The following ELMO1 variants were observed in gnomAD, a reference collection of about 807,000 sequenced individuals.
ELMO1 encodes the protein engulfment and cell motility protein 1.
In ELMO1, 26 loss-of-function variants were observed where a neutral mutation model predicts 98.9. The observed-to-expected ratio is 0.26, with a 90% CI of 0.19 to 0.36. The LOEUF (loss-of-function observed/expected upper bound fraction) is 0.36. Among genes scored for constraint, ELMO1 ranks in the 10% least tolerant of loss-of-function variants. ELMO1 has a pLI of 1.00. For missense variants in ELMO1, 627 were observed against 935.2 expected (o/e 0.67, Z 4.30); for synonymous variants, 346 against 346.0 (o/e 1.00, Z 0.00).
At chr7:36,970,876 C>T (rs529546987) in intron 16 of ELMO1, among the ~76,000 whole-genome samples, 1 of 152,308 alleles carries the variant, frequency 6.6e-6, no homozygotes, top group South Asian at 2.1e-4. Context: ...AACATCGACG[C>T]ACAGGATAAG....
intron 2 of ELMO1, among the ~76,000 whole-genome samples, chr7:37,328,554 G>A (rs1300052058): frequency 1.3e-5 from 2 of 152,100 alleles, no homozygotes; most frequent in Non-Finnish European, 2.9e-5. Context: ...AAGCCCAGGT[G>A]CTCAGCGCTA....
rs185394337 is a variant in ELMO1, at chr7:36,889,769, T to C, written c.1602-2097A>G. ...TCATCATGGAACCATATTCTGAGGA[T>C]GCACTATCAGAATAAGAGAATCTGC... On this transcript the variant is annotated intron_variant, in intron 17 of 21. Transcript: ENST00000310758. 1.8e-3 allele frequency among the ~76,000 whole-genome samples: 279 copies of C among 152,312 alleles called. 3 individuals are homozygous for C. The highest frequency in any genetic ancestry group is 6.5e-3 in the African/African-American group (269 of 41,570).
At chr7:36,974,683 C>T (rs1384890021) in intron 16 of ELMO1, among the ~76,000 whole-genome samples, 1 of 152,192 alleles carries the variant, frequency 6.6e-6, no homozygotes, top group Non-Finnish European at 1.5e-5. Context: ...CTGCCCGAGC[C>T]AGCAGTGGCA....
At chr7:37,100,388 G>A (rs565371754) in intron 14 of ELMO1, among the ~76,000 whole-genome samples, 6 of 152,214 alleles carry the variant, frequency 3.9e-5, no homozygotes, top group East Asian at 3.9e-4. Flanking sequence ...GTTTCTTGTC[G>A]CTCTTCTCCA....
chr7:37,183,208 G>A (rs1479232133), intron 13 of ELMO1, among the ~76,000 whole-genome samples: 1 of 152,198 alleles, frequency 6.6e-6, no homozygotes, highest in East Asian at 1.9e-4. Flanking sequence ...GGAGAAGGAG[G>A]AAGGAGGAGG....
At chr7:36,921,245 T>C (rs570174829) in intron 16 of ELMO1, among the ~76,000 whole-genome samples, 49 of 152,082 alleles carry the variant, frequency 3.2e-4, no homozygotes, top group Non-Finnish European at 5.9e-4. Flanking sequence ...ACCAACACAA[T>C]GTCTTTGAGA....
chr7:37,412,685 T>C (rs2131502260), intron 1 of ELMO1, among the ~76,000 whole-genome samples: 1 of 152,360 alleles, frequency 6.6e-6, no homozygotes, highest in South Asian at 2.1e-4. Context: ...CCCACCTTAG[T>C]GACTCCTCTC....
At chr7:37,201,793 C>T (rs1309220251) in intron 13 of ELMO1, among the ~76,000 whole-genome samples, 3 of 152,226 alleles carry the variant, frequency 2.0e-5, no homozygotes, top group African/African-American at 4.8e-5. Flanking sequence ...CTCTGGTTCA[C>T]TAAGGAATTT....
At chr7:37,169,234 G>T (rs1176689880) in intron 13 of ELMO1, among the ~76,000 whole-genome samples, 1 of 152,162 alleles carries the variant, frequency 6.6e-6, no homozygotes, top group Non-Finnish European at 1.5e-5. Flanking sequence ...TTTTCCAGGT[G>T]CCGTCTGTCA....
chr7:37,167,673 C>G (rs1789816894), intron 13 of ELMO1, among the ~76,000 whole-genome samples: 1 of 152,216 alleles, frequency 6.6e-6, no homozygotes, highest in African/African-American at 2.4e-5. Flanking sequence ...GGCTCCCACT[C>G]TCTTCTGGCT....
At chr7:37,286,044 G>GAA (rs56126018) in intron 4 of ELMO1, among the ~76,000 whole-genome samples, 3,113 of 147,050 alleles carry the variant, frequency 0.021, 96 homozygotes, top group East Asian at 0.11. Context: ...CTTGTAAAAA[G>GAA]AAAAAAAAAA....
chr7:37,140,774 G>A (rs562907833), intron 13 of ELMO1, among the ~76,000 whole-genome samples: 7 of 44,784 alleles, frequency 1.6e-4, no homozygotes, highest in African/African-American at 2.8e-4. Flanking sequence ...ACAAGCATAC[G>A]GAAAAAATGC....
chr7:37,069,114 A>C (rs922075786), intron 15 of ELMO1, among the ~76,000 whole-genome samples: 2 of 152,080 alleles, frequency 1.3e-5, no homozygotes, highest in Non-Finnish European at 2.9e-5. Flanking sequence ...GGAGCCTCCC[A>C]GTGGTGGGAA....
intron 1 of ELMO1, among the ~76,000 whole-genome samples, chr7:37,447,502 G>A (rs919027047): frequency 3.3e-5 from 5 of 152,048 alleles, no homozygotes; most frequent in African/African-American, 1.2e-4. Context: ...GCCTGAGGCT[G>A]GTCCTTTAGG....
At chr7:37,356,759 T>C (rs2131314548) in intron 1 of ELMO1, among the ~76,000 whole-genome samples, 1 of 146,636 alleles carries the variant, frequency 6.8e-6, no homozygotes, top group East Asian at 2.0e-4. Flanking sequence ...TAAAGTATAA[T>C]TAAAAAAAAA....
intron 1 of ELMO1, among the ~76,000 whole-genome samples, chr7:37,418,492 G>A (rs947878335): frequency 6.6e-6 from 1 of 152,170 alleles, no homozygotes; most frequent in Non-Finnish European, 1.5e-5. Context: ...GGTAAGGCCC[G>A]TAGGGAGATT....
intron 15 of ELMO1, among the ~76,000 whole-genome samples, chr7:37,022,074 C>T (rs971281882): frequency 1.3e-5 from 2 of 152,194 alleles, no homozygotes; most frequent in African/African-American, 2.4e-5. Context: ...TGAATTATGA[C>T]TCCCTACCTC....
At chr7:37,127,920 C>T (rs112281277) in intron 14 of ELMO1, among the ~76,000 whole-genome samples, 5,031 of 152,198 alleles carry the variant, frequency 0.033, 230 homozygotes, top group African/African-American at 0.1. Flanking sequence ...TGGCTGGGCT[C>T]GGTGACTCAC....
chr7:36,995,239 G>A lies in ELMO1; in HGVS notation c.1437+18060C>T, dbSNP rs373091020. Reference sequence around the variant, plus strand: ...AAATCATTCAACCTGGCTGGGTGCCGTGGCTCACGCTTGCAATCCCAGCAC... The same window carrying A: ...AAATCATTCAACCTGGCTGGGTGCCATGGCTCACGCTTGCAATCCCAGCAC... On this transcript the variant is annotated intron_variant, in intron 16 of 21. Transcript: ENST00000310758. Among the ~76,000 whole-genome samples the A allele has an allele frequency of 6.6e-4, 101 of 152,276 alleles. No homozygotes were observed. In the South Asian group the frequency reaches 0.019, roughly 29 times the overall value.
Sources: allele counts gnomAD v4.1 joint callset (sites outside exome capture counted in the v4.1 genomes callset), GRCh38; gene constraint gnomAD v4.1.1; transcripts MANE v1.5; gene names NCBI Gene and HGNC (gene_info 2026-07-23, HGNC 2026-07-21).